Variants in NSG2 observed in about 807,000 individuals in gnomAD.
The protein encoded by NSG2 is neuronal vesicle trafficking-associated protein 2.
Under a neutral mutation model 16.9 loss-of-function variants are expected in NSG2, and 4 were observed. That is an observed-to-expected ratio of 0.24 (90% CI 0.12 to 0.54). The LOEUF is 0.54. NSG2 is among the 20% of genes least tolerant of loss of function. The pLI is 0.95. For synonymous variants in NSG2, 98 were observed against 88.7 expected (o/e 1.11, Z -0.59); for missense variants, 179 against 221.1 (o/e 0.81, Z 1.21).
intron 3 of NSG2, among the ~76,000 whole-genome samples, chr5:174,077,111 G>A (rs1000281970): frequency 3.9e-5 from 6 of 152,156 alleles, no homozygotes; most frequent in African/African-American, 1.4e-4. Flanking sequence ...CAGGAAGTGC[G>A]ATACTGCACA....
At chr5:174,074,953 G>A (rs558581923) in intron 3 of NSG2, among the ~76,000 whole-genome samples, 153 of 152,004 alleles carry the variant, frequency 1.0e-3, no homozygotes, top group South Asian at 6.9e-3. Flanking sequence ...ATGGCACATC[G>A]GCTTTCCTAG....
At chr5:174,079,247 TTC>T (rs60883319) in intron 3 of NSG2, among the ~76,000 whole-genome samples, 30 of 148,676 alleles carry the variant, frequency 2.0e-4, no homozygotes, top group South Asian at 6.4e-4. Context: ...TTCTCTCTCT[TTC>T]TCTCTCTCTC....
intron 3 of NSG2, among the ~76,000 whole-genome samples, chr5:174,083,667 C>G (rs537411206): frequency 6.6e-5 from 10 of 152,210 alleles, no homozygotes; most frequent in African/African-American, 9.7e-5. Flanking sequence ...GGTTGGGCAG[C>G]TGCTTGGTTG....
At chr5:174,073,640 A>G (rs763905145) in intron 3 of NSG2, among the ~76,000 whole-genome samples, 2 of 152,226 alleles carry the variant, frequency 1.3e-5, no homozygotes, top group Non-Finnish European at 2.9e-5. Context: ...ATTAATTGAT[A>G]GTTGCAAAGC....
intron 3 of NSG2, among the ~76,000 whole-genome samples, chr5:174,097,886 T>C (rs561408332): frequency 6.6e-6 from 1 of 152,044 alleles, no homozygotes; most frequent in East Asian, 1.9e-4. Context: ...TGTGTCTGTC[T>C]CTCTGGTCTT....
At chr5:174,105,451 C>T (rs777477264) in intron 4 of NSG2, among the ~76,000 whole-genome samples, 4 of 152,194 alleles carry the variant, frequency 2.6e-5, no homozygotes, top group African/African-American at 7.2e-5. Flanking sequence ...CTCCTAACAA[C>T]GTTCACGTAA....
chr5:174,104,079 G>A, intron 3 of NSG2, 149 bp from the exon 4 acceptor site: 1 of 609,428 alleles, frequency 1.6e-6, no homozygotes, highest in Non-Finnish European at 3.0e-6. Flanking sequence ...CTGCAAGTTA[G>A]TAACAAAGCC....
At chr5:174,062,281 C>T (rs867761076) in intron 2 of NSG2, among the ~76,000 whole-genome samples, 26 of 152,138 alleles carry the variant, frequency 1.7e-4, no homozygotes, top group African/African-American at 5.8e-4. Context: ...TCAGCCCACA[C>T]TTGTACACTC....
rs959478727 is a variant in NSG2, at chr5:174,072,123, C to T, written c.213+7808C>T. Among the ~76,000 whole-genome samples, 3 of 152,158 alleles carry T rather than the reference C, an allele frequency of 2.0e-5. No homozygotes were observed. The highest frequency in any genetic ancestry group is 7.2e-5 in the African/African-American group (3 of 41,442). Reference sequence around the variant, plus strand: ...CCCTCTGGAAGTCTCTAGTGACTGTCCTTTCTTCTCTGTTCTCACTCCAAC... The same window carrying T: ...CCCTCTGGAAGTCTCTAGTGACTGTTCTTTCTTCTCTGTTCTCACTCCAAC... On this transcript the variant is annotated intron_variant, in intron 3 of 4. Coordinates refer to ENST00000303177, the MANE Select transcript of NSG2 (RefSeq NM_015980.5). This position sits in a 1 kb window ranked among gnomAD's most constrained non-coding sequence, Gnocchi z 4.0.
At chr5:174,089,850 G>C (rs1377767757) in intron 3 of NSG2, among the ~76,000 whole-genome samples, 1 of 152,012 alleles carries the variant, frequency 6.6e-6, no homozygotes, top group Non-Finnish European at 1.5e-5. Context: ...TGAACTCCTG[G>C]CCTCAAGTAA....
chr5:174,068,161 A>G (rs192996350), intron 3 of NSG2, among the ~76,000 whole-genome samples: 2 of 152,160 alleles, frequency 1.3e-5, no homozygotes, highest in Admixed American at 6.5e-5. Flanking sequence ...TCTCATTCCA[A>G]TCCCTTCATG....
Position 174,064,257 on chromosome 5 carries a change from A to G in NSG2, c.155A>G (p.Tyr52Cys), listed in dbSNP as rs866701507. 1.9e-6 allele frequency: 3 copies of G among 1,611,390 alleles called. No homozygotes were observed. In the East Asian group the frequency reaches 6.7e-5, roughly 36 times the overall value. ...EKVIVKTRTE[Y>C]QPEQKNKGKF... The stretch of plus-strand genomic sequence containing the variant: ...GTGATTGTGAAGACAAGAACGGAAT[A>G]TCAGCCGGAACAGAAGAACAAAGGG... The change falls in exon 3 of 5, where the codon TAT (tyrosine) becomes TGT (cysteine). Residue 52 changes from tyrosine to cysteine, a missense_variant. Coordinates refer to ENST00000303177, the MANE Select transcript of NSG2 (RefSeq NM_015980.5).
chr5:174,086,774 T>C (rs1361121977), intron 3 of NSG2, among the ~76,000 whole-genome samples: 1 of 152,224 alleles, frequency 6.6e-6, no homozygotes, highest in East Asian at 1.9e-4. Context: ...CCATGTTGAG[T>C]GATGACTTGA....
chr5:174,107,126 G>A lies in NSG2; in HGVS notation c.325-188G>A, dbSNP rs1760995260. Among the ~76,000 whole-genome samples, 1 of 152,112 alleles carries A rather than the reference G, an allele frequency of 6.6e-6. No homozygotes were observed. The highest frequency in any genetic ancestry group is 1.5e-5 in the Non-Finnish European group (1 of 68,034). ...CAGGTCGTCTGGCTTCTTCTAAGTG[G>A]AGCTTTGCTGTTTGTGCTGGTGCTG... On this transcript the variant is annotated intron_variant, in intron 4 of 4. Transcript: ENST00000303177. The surrounding 1 kb of genome is among the most constrained non-coding windows in gnomAD (Gnocchi z 4.5).
chr5:174,060,768 G>A (rs114764019), intron 2 of NSG2, among the ~76,000 whole-genome samples: 2 of 152,320 alleles, frequency 1.3e-5, no homozygotes, highest in Admixed American at 1.3e-4. Flanking sequence ...GGAGGACTGA[G>A]GTCCTGGTTT....
chr5:174,057,479 G>C (rs1759983327), intron 2 of NSG2, among the ~76,000 whole-genome samples: 1 of 147,182 alleles, frequency 6.8e-6, no homozygotes, highest in Non-Finnish European at 1.5e-5. Flanking sequence ...CTACTCCACA[G>C]GAACAAAACA....
intron 3 of NSG2, among the ~76,000 whole-genome samples, chr5:174,086,216 A>T (rs1760617742): frequency 6.6e-6 from 1 of 152,164 alleles, no homozygotes; most frequent in African/African-American, 2.4e-5. Flanking sequence ...GATTGGGGTG[A>T]TTGCTGGCTA....
chr5:174,091,039 CTTTTTTT>C (rs35022469), intron 3 of NSG2, among the ~76,000 whole-genome samples: 12 of 124,120 alleles, frequency 9.7e-5, no homozygotes, highest in Non-Finnish European at 1.5e-4. Context: ...CTTCTTCTTC[CTTTTTTT>C]TTTTTTTTTT....
intron 3 of NSG2, among the ~76,000 whole-genome samples, chr5:174,094,410 T>C (rs1337837857): frequency 6.6e-6 from 1 of 152,286 alleles, no homozygotes; most frequent in Middle Eastern, 3.4e-3. Context: ...CATTTAATCT[T>C]CACAGCAATC....
Sources: gnomAD v4.1 joint callset for allele counts (sites outside exome capture counted in the v4.1 genomes callset) on GRCh38, gnomAD v4.1.1 for gene constraint, Gnocchi (gnomAD v3.1) non-coding constraint, MANE v1.5 for transcripts, NCBI Gene and HGNC (gene_info 2026-07-23, HGNC 2026-07-21) for gene names.